Variants in SMG7 observed in about 807,000 individuals in gnomAD.
The protein encoded by SMG7 is nonsense-mediated mRNA decay factor SMG7.
SMG7 carries 34 observed loss-of-function variants against 148.2 expected under a neutral mutation model. That is an observed-to-expected ratio of 0.23 (90% confidence interval 0.17 to 0.31). The LOEUF is 0.31. SMG7 is among the 10% of genes least tolerant of loss of function. SMG7 has a pLI of 1.00. For missense variants in SMG7, 1,114 were observed against 1,408.4 expected, an observed-to-expected ratio of 0.79 and a Z score of 3.35; for synonymous variants, 492 against 515.1, an observed-to-expected ratio of 0.96 and a Z score of 0.61.
chr1:183,544,610 C>A (rs993199248), intron 15 of SMG7, 113 bp downstream of exon 15: 5 of 1,102,452 alleles, frequency 4.5e-6, no homozygotes, highest in Non-Finnish European at 6.5e-6. Flanking sequence ...ATAAAAAGTT[C>A]TATTTTCCCT....
chr1:183,541,227 T>G, intron 13 of SMG7, 124 bp downstream of exon 13: 1 of 835,846 alleles, frequency 1.2e-6, no homozygotes, highest in Non-Finnish European at 1.9e-6. Context: ...GTATAAATAT[T>G]GTCAATCATG....
chr1:183,502,031 A>G (rs1336056213), intron 1 of SMG7, among the ~76,000 whole-genome samples: 1 of 152,206 alleles, frequency 6.6e-6, no homozygotes, highest in East Asian at 1.9e-4. Flanking sequence ...GAGGAACATT[A>G]GAATAACATT....
At chr1:183,550,128 T>A (rs929938482) in intron 20 of SMG7, 11 of 501,286 alleles carry the variant, frequency 2.2e-5, no homozygotes, top group Non-Finnish European at 3.2e-5. Flanking sequence ...ACAAAACTTT[T>A]TACATCCTCA....
At chr1:183,477,976 A>T (rs1273782667) in intron 1 of SMG7, among the ~76,000 whole-genome samples, 1 of 152,190 alleles carries the variant, frequency 6.6e-6, no homozygotes, top group Non-Finnish European at 1.5e-5. Flanking sequence ...AATAGGAAGT[A>T]AAATATCCAA....
At chr1:183,534,781 C>T (rs778528309) in intron 10 of SMG7, among the ~76,000 whole-genome samples, 8 of 152,044 alleles carry the variant, frequency 5.3e-5, no homozygotes, top group African/African-American at 1.4e-4. Context: ...ACAGGAAAAT[C>T]GCTTGAACCC....
chr1:183,530,730 T>G (rs754699173), intron 8 of SMG7, among the ~76,000 whole-genome samples: 17 of 152,172 alleles, frequency 1.1e-4, no homozygotes, highest in Non-Finnish European at 2.1e-4. Context: ...TTTGGAGAGC[T>G]TAACAGTCAG....
At chr1:183,515,058 C>G (rs1663163661) in intron 2 of SMG7, among the ~76,000 whole-genome samples, 1 of 152,146 alleles carries the variant, frequency 6.6e-6, no homozygotes. Flanking sequence ...TCAGTTATTG[C>G]AATCATAATC....
chr1:183,493,901 C>G (rs1190639437), intron 1 of SMG7, among the ~76,000 whole-genome samples: 1 of 152,144 alleles, frequency 6.6e-6, no homozygotes, highest in Non-Finnish European at 1.5e-5. Context: ...TTTCTGCCTA[C>G]TTTTTGTTAG....
chr1:183,535,349 T>C (rs1667568926), intron 10 of SMG7, among the ~76,000 whole-genome samples: 1 of 152,190 alleles, frequency 6.6e-6, no homozygotes, highest in South Asian at 2.1e-4. Context: ...AAACATTTTT[T>C]CCCTCCATTT....
At chr1:183,511,036 C>A (rs899826987) in intron 1 of SMG7, among the ~76,000 whole-genome samples, 1 of 151,964 alleles carries the variant, frequency 6.6e-6, no homozygotes, top group Non-Finnish European at 1.5e-5. Flanking sequence ...GTGGCATGCG[C>A]CTGTAATCCC....
At chr1:183,486,288 A>G (rs1344509678) in intron 1 of SMG7, among the ~76,000 whole-genome samples, 1 of 152,272 alleles carries the variant, frequency 6.6e-6, no homozygotes, top group Admixed American at 6.5e-5. Context: ...AGAGTAATTG[A>G]CATATTCAGT....
In SMG7 at chr1:183,499,674, CTTG is replaced by C. The variant is rs572077710; in HGVS notation, c.30-13157_30-13155del. The stretch of plus-strand genomic sequence containing the variant: ...GCGTGTTTTATCTTCGACTTTGTGG[CTTG>C]TTGTTCTCTGGACAGCCTGTTTTCT... On this transcript the variant is annotated intron_variant, in intron 1 of 22. Coordinates refer to ENST00000688051, the MANE Select transcript of SMG7 (RefSeq NM_001375584.1). Among the ~76,000 whole-genome samples the C allele has an allele frequency of 3.4e-4, 52 of 152,216 alleles. No homozygotes were observed. In the East Asian group the frequency reaches 9.1e-3, roughly 27 times the overall value.
In SMG7 at chr1:183,527,294, A is replaced by G. The variant is rs1411846254; in HGVS notation, c.484+527A>G. 6.6e-6 allele frequency among the ~76,000 whole-genome samples: 1 copy of G among 152,244 alleles called. No homozygotes were observed. Among genetic ancestry groups the G allele is most frequent in the Non-Finnish European group, 1.5e-5 (1 of 68,040 alleles). On this transcript the variant is annotated intron_variant, in intron 5 of 22. Transcript: ENST00000688051. This position sits in a 1 kb window ranked among gnomAD's most constrained non-coding sequence, Gnocchi z 4.0. ...CTTTAAGGTGACCTAGAAAGGTTGT[A>G]AAACAAATTAACTATAGGATTATGT...
chr1:183,521,872 AAAG>A (rs1449649094), intron 4 of SMG7, among the ~76,000 whole-genome samples: 61 of 151,808 alleles, frequency 4.0e-4, no homozygotes, highest in Non-Finnish European at 1.8e-4. Flanking sequence ...AAAAAAAAAA[AAAG>A]AAGGAGTTGC....
chr1:183,553,617 G>GCCCCCCCCCCCC lies in SMG7; in HGVS notation c.*1690_*1691insCCCCCCCCCCCC, dbSNP rs61075857. 1 of 130,104 alleles carries GCCCCCCCCCCCC rather than the reference G, an allele frequency of 7.7e-6. No homozygotes were observed. Among genetic ancestry groups the GCCCCCCCCCCCC allele is most frequent in the Non-Finnish European group, 1.7e-5 (1 of 59,774 alleles). 8.1% of individuals were successfully genotyped at this position (130,104 alleles called of 1,614,324 possible). On this transcript the variant is annotated 3_prime_UTR_variant, in exon 23 of 23. Coordinates refer to ENST00000688051, the MANE Select transcript of SMG7 (RefSeq NM_001375584.1). ...AGAGAGAGTGGTTGGAGCCCCCCCCGCCCCGTATGCTTACATTATTGCTCT... is the reference window on the plus strand; with the variant it reads ...AGAGAGAGTGGTTGGAGCCCCCCCCGCCCCCCCCCCCCCCCCGTATGCTTACATTATTGCTCT...
intron 1 of SMG7, among the ~76,000 whole-genome samples, chr1:183,501,644 C>T (rs1263043656): frequency 6.6e-6 from 1 of 152,094 alleles, no homozygotes; most frequent in East Asian, 1.9e-4. Flanking sequence ...TAACCACTGC[C>T]GCCTCCTTCC....
rs1383820395 is a variant in SMG7 at position 183,533,317 on chromosome 1, G to A, written c.997G>A (p.Ala333Thr). ...DEQLCWTQLLALFMSFLGILC... is the reference protein window; with the variant it reads ...DEQLCWTQLLTLFMSFLGILC... ...GCAGCTATGTTGGACACAGTTGCTG[G>A]CCCTCTTTAGTGAGTATTGAATTAC... Residue 333 changes from alanine (A) to threonine (T), a missense_variant, in exon 9 of 23, where the codon GCC becomes ACC. Transcript: ENST00000688051. 1 of 1,612,908 alleles carries A rather than the reference G, an allele frequency of 6.2e-7. No individual in the cohort carries two copies. The highest frequency in any genetic ancestry group is 1.7e-5 in the Admixed American group (1 of 59,802).
At chr1:183,502,368 G>A (rs1659931664) in intron 1 of SMG7, 3 of 1,534,226 alleles carry the variant, frequency 2.0e-6, no homozygotes, top group African/African-American at 1.4e-5. Flanking sequence ...AATCAGAGGA[G>A]CATCTGAAAT....
chr1:183,482,314 A>G lies in SMG7; in HGVS notation c.29+9665A>G, dbSNP rs116401827. Reference sequence around the variant, plus strand: ...TTTGAGTAGCTGGTGTGTGTTATGCACATTCCTACTGGAATAGGGAGACAC... The same window carrying G: ...TTTGAGTAGCTGGTGTGTGTTATGCGCATTCCTACTGGAATAGGGAGACAC... On this transcript the variant is annotated intron_variant, in intron 1 of 22. Transcript: ENST00000688051. Among the ~76,000 whole-genome samples the G allele has an allele frequency of 1.9e-3, 295 of 152,182 alleles. 1 individual carries two copies. The highest frequency in any genetic ancestry group is 6.6e-3 in the African/African-American group (274 of 41,534).
Sources: allele counts gnomAD v4.1 joint callset (sites outside exome capture counted in the v4.1 genomes callset), GRCh38; gene constraint gnomAD v4.1.1; non-coding constraint Gnocchi (gnomAD v3.1); transcripts MANE v1.5; gene names NCBI Gene and HGNC (gene_info 2026-07-23, HGNC 2026-07-21).